RFTN1: variants seen among roughly 807,000 people sequenced by gnomAD.
The protein encoded by RFTN1 is raftlin, lipid raft linker 1, also known as raftlin.
Under a neutral mutation model 46.5 loss-of-function variants are expected in RFTN1, and 26 were observed. The observed-to-expected ratio is 0.56, with a 90% CI of 0.41 to 0.78. The LOEUF is 0.78. RFTN1 is among the 30% of genes least tolerant of loss of function. The pLI is 0.00. For missense variants in RFTN1, 693 were observed against 718.7 expected (o/e 0.96, Z 0.41); for synonymous variants, 261 against 284.2 (o/e 0.92, Z 0.82).
At position 16,428,595 on chromosome 3, in the gene RFTN1, C is replaced by T. The variant is rs1043571918; in HGVS notation, c.332+5256G>A. Among the ~76,000 whole-genome samples, 4 of 152,278 alleles carry T rather than the reference C, an allele frequency of 2.6e-5. No individual in the cohort carries two copies. The South Asian group carries it at 8.3e-4, about 32-fold the overall frequency. On this transcript the variant is annotated intron_variant, in intron 3 of 9. Coordinates refer to ENST00000334133, the MANE Select transcript of RFTN1 (RefSeq NM_015150.2). This position sits in a 1 kb window ranked among gnomAD's most constrained non-coding sequence, Gnocchi z 4.7. ...GCCTGATAAATGTCCACAGAGCTCC[C>T]TAGTATGCTGGTCCCTGTACCATGT...
rs2076499808 is a variant in RFTN1 at position 16,489,130 on chromosome 3, G to C, written c.145+4595C>G. Among the ~76,000 whole-genome samples, 1 of 152,172 alleles carries C rather than the reference G, an allele frequency of 6.6e-6. No individual in the cohort carries two copies. The highest frequency in any genetic ancestry group is 1.5e-5 in the Non-Finnish European group (1 of 68,038). On this transcript the variant is annotated intron_variant, in intron 2 of 9. Coordinates refer to ENST00000334133, the MANE Select transcript of RFTN1 (RefSeq NM_015150.2). The surrounding 1 kb of genome is among the most constrained non-coding windows in gnomAD (Gnocchi z 4.0). ...TAACATCCTGGGAAATAAAATCAGTGATGGAGGCCGGGTGAGGTGGCTCAC... is the reference window on the plus strand; with the variant it reads ...TAACATCCTGGGAAATAAAATCAGTCATGGAGGCCGGGTGAGGTGGCTCAC...
In RFTN1 at chr3:16,418,258, C is replaced by T. The variant is rs191220902; in HGVS notation, c.333-8775G>A. On this transcript the variant is annotated intron_variant, in intron 3 of 9. Transcript: ENST00000334133. This position sits in a 1 kb window ranked among gnomAD's most constrained non-coding sequence, Gnocchi z 5.0. The stretch of plus-strand genomic sequence containing the variant: ...AGGCCACTAAAAAACAATTGCCTGT[C>T]GAAAAACTATTATAAACTATACTTC... Among the ~76,000 whole-genome samples, 50 of 152,136 alleles carry T rather than the reference C, an allele frequency of 3.3e-4. No homozygotes were observed. Among genetic ancestry groups the T allele is most frequent in the African/African-American group, 9.4e-4 (39 of 41,502 alleles).
At position 16,327,258 on chromosome 3, in the gene RFTN1, G is replaced by A. The variant is rs1023659886; in HGVS notation, c.1147-382C>T. ...GTGCTGCTCTGAATGAGTTCAGAGC[G>A]TGTTGTGGGGAGTTAACTTACATTT... On this transcript the variant is annotated intron_variant, in intron 7 of 9. Transcript: ENST00000334133. The surrounding 1 kb of genome is among the most constrained non-coding windows in gnomAD (Gnocchi z 4.2). Among the ~76,000 whole-genome samples, 4 of 152,176 alleles carry A rather than the reference G, an allele frequency of 2.6e-5. No homozygotes were observed. The highest frequency in any genetic ancestry group is 9.7e-5 in the African/African-American group (4 of 41,426).
rs376747115 is a variant in RFTN1 at position 16,317,176 on chromosome 3, T to G, written c.1389A>C (p.Lys463Asn). 5.0e-6 allele frequency: 8 copies of G among 1,613,628 alleles called. No homozygotes were observed. The highest frequency in any genetic ancestry group is 6.8e-6 in the Non-Finnish European group (8 of 1,179,988). ...EMHNRQMRKS[K>N]GKLSARDKQQ... is the part of the protein sequence containing the mutation. ...GTTTGTCTCTGGCACTGAGTTTACC[T>G]TTTGATTTCCTCATCTGCCTGTTGT... The change falls in exon 10 of 10, where the codon AAA (lysine) becomes AAC (asparagine). Residue 463 changes from lysine (K) to asparagine (N), a missense_variant. By Grantham distance (94) the Lys-to-Asn change is moderately conservative (BLOSUM62 0). Transcript: ENST00000334133. The surrounding 1 kb of genome is among the most constrained non-coding windows in gnomAD (Gnocchi z 4.3).
At position 16,448,577 on chromosome 3, in the gene RFTN1, G is replaced by A. The variant is rs561426382; in HGVS notation, c.146-14540C>T. Among the ~76,000 whole-genome samples, 1 of 151,984 alleles carries A rather than the reference G, an allele frequency of 6.6e-6. No homozygotes were observed. The highest frequency in any genetic ancestry group is 6.5e-5 in the Admixed American group (1 of 15,276). On this transcript the variant is annotated intron_variant, in intron 2 of 9. Coordinates refer to ENST00000334133, the MANE Select transcript of RFTN1 (RefSeq NM_015150.2). The surrounding 1 kb of genome is among the most constrained non-coding windows in gnomAD (Gnocchi z 4.1). ...AAATTTTTTTTCTTAACTAACTGTC[G>A]CTATTCCAAATTGGAGGAAAAAAAG...
chr3:16,398,828 C>A (rs968841285), intron 4 of RFTN1, among the ~76,000 whole-genome samples: 2 of 152,214 alleles, frequency 1.3e-5, no homozygotes, highest in Admixed American at 6.5e-5. Flanking sequence ...ACAAAGCATT[C>A]CTGGTCACAC....
rs2069813044 is a variant in RFTN1 at position 16,327,360 on chromosome 3, G to T, written c.1147-484C>A. Among the ~76,000 whole-genome samples, 1 of 152,192 alleles carries T rather than the reference G, an allele frequency of 6.6e-6. No homozygotes were observed. The highest frequency in any genetic ancestry group is 1.5e-5 in the Non-Finnish European group (1 of 68,040). ...TCCACATGTGTGTGTACACGCAGAA[G>T]CTGCTTTGCCTGTGTTATGTGCCCT... is the stretch of plus-strand genomic sequence containing the variant. On this transcript the variant is annotated intron_variant, in intron 7 of 9. Coordinates refer to ENST00000334133, the MANE Select transcript of RFTN1 (RefSeq NM_015150.2). The surrounding 1 kb of genome is among the most constrained non-coding windows in gnomAD (Gnocchi z 4.2).
chr3:16,472,332 C>T (rs376313796), intron 2 of RFTN1, among the ~76,000 whole-genome samples: 8 of 152,034 alleles, frequency 5.3e-5, no homozygotes, highest in African/African-American at 1.5e-4. Flanking sequence ...GAGTGAAGGG[C>T]TTGAGAAATA....
In RFTN1 at chr3:16,404,289, AAT is replaced by A. The variant is rs1186516011; in HGVS notation, c.441+5084_441+5085del. On this transcript the variant is annotated intron_variant, in intron 4 of 9. Coordinates refer to ENST00000334133, the MANE Select transcript of RFTN1 (RefSeq NM_015150.2). ...ATAATATATATAATATGTAATATAT[AAT>A]ATATATAATATGTAATATATATTAT... 1.4e-3 allele frequency among the ~76,000 whole-genome samples: 23 copies of A among 16,638 alleles called. 7 individuals carry two copies. The highest frequency in any genetic ancestry group is 1.9e-3 in the Non-Finnish European group (20 of 10,340). The allele number at this position is 16,638 out of a possible 152,430, so 10.9% of individuals were successfully genotyped here.
At position 16,493,686 on chromosome 3, in the gene RFTN1, C is replaced by A. The variant is rs756659111; in HGVS notation, c.145+39G>T. 44 of 1,533,424 alleles carry A rather than the reference C, an allele frequency of 2.9e-5. No homozygotes were observed. In the South Asian group the frequency reaches 5.3e-4, roughly 19 times the overall value. The allele number at this position is 1,533,424 out of a possible 1,614,324, so 95.0% of individuals were successfully genotyped here. ...ATCCCCTGCAGGCCCCTGCTGGAGACCCCACCTGCCCCCATCCATTCCCAC... is the reference window on the plus strand; with the variant it reads ...ATCCCCTGCAGGCCCCTGCTGGAGAACCCACCTGCCCCCATCCATTCCCAC... On this transcript the variant is annotated intron_variant, in intron 2 of 9. Transcript: ENST00000334133.
intron 7 of RFTN1, among the ~76,000 whole-genome samples, chr3:16,343,451 C>T (rs2071440931): frequency 6.6e-6 from 1 of 152,168 alleles, no homozygotes; most frequent in Non-Finnish European, 1.5e-5. Flanking sequence ...GTTTTTTCCT[C>T]CTCCAAGATA....
chr3:16,365,647 A>G (rs914372216), intron 6 of RFTN1, among the ~76,000 whole-genome samples: 1 of 152,208 alleles, frequency 6.6e-6, no homozygotes, highest in African/African-American at 2.4e-5. Context: ...GCAGAGAGAC[A>G]TCTGGGTGTC....
rs934991471 is a variant in RFTN1 at position 16,507,789 on chromosome 3, A to G, written c.-9+5653T>C. ...CAAACACACACATACACTCACATAC[A>G]CACAAACACACACAAACGCACATAC... On this transcript the variant is annotated intron_variant, in intron 1 of 9. Transcript: ENST00000334133. The surrounding 1 kb of genome is among the most constrained non-coding windows in gnomAD (Gnocchi z 7.1). Among the ~76,000 whole-genome samples, 5 of 150,322 alleles carry G rather than the reference A, an allele frequency of 3.3e-5. No individual in the cohort carries two copies. The highest frequency in any genetic ancestry group is 4.4e-5 in the Non-Finnish European group (3 of 67,764).
chr3:16,337,318 A>AT lies in RFTN1; in HGVS notation c.1147-10443dup, dbSNP rs2070949801. Reference sequence around the variant, plus strand: ...ACCCAGCTGACCTGTTTGGGTTATGATTTTAACTCACTAAGCTTTGGGGAG... The same window carrying AT: ...ACCCAGCTGACCTGTTTGGGTTATGATTTTTAACTCACTAAGCTTTGGGGAG... On this transcript the variant is annotated intron_variant, in intron 7 of 9. Coordinates refer to ENST00000334133, the MANE Select transcript of RFTN1 (RefSeq NM_015150.2). The surrounding 1 kb of genome is among the most constrained non-coding windows in gnomAD (Gnocchi z 5.0). The AT allele has an allele frequency of 6.6e-6, 1 of 152,248 alleles. No homozygotes were observed. The highest frequency in any genetic ancestry group is 2.4e-5 in the African/African-American group (1 of 41,454). 9.4% of individuals were successfully genotyped at this position (152,248 alleles called of 1,614,324 possible).
At chr3:16,463,030 T>A (rs1452119283) in intron 2 of RFTN1, among the ~76,000 whole-genome samples, 1 of 152,256 alleles carries the variant, frequency 6.6e-6, no homozygotes, top group Non-Finnish European at 1.5e-5. Context: ...GGCTAGAGCC[T>A]GATCCTGTAA....
chr3:16,393,820 G>A lies in RFTN1; in HGVS notation c.441+15555C>T, dbSNP rs894669968. Among the ~76,000 whole-genome samples the A allele has an allele frequency of 8.6e-5, 13 of 151,924 alleles. No homozygotes were observed. In the South Asian group the frequency reaches 1.9e-3, roughly 22 times the overall value. The stretch of plus-strand genomic sequence containing the variant: ...ACTACAGGTGCCCGCCACCATACCC[G>A]GCTAATTTTTTTGTATTTTTAGTAT... On this transcript the variant is annotated intron_variant, in intron 4 of 9. Coordinates refer to ENST00000334133, the MANE Select transcript of RFTN1 (RefSeq NM_015150.2).
chr3:16,319,036 C>T (rs2068744062), intron 9 of RFTN1, among the ~76,000 whole-genome samples: 1 of 152,192 alleles, frequency 6.6e-6, no homozygotes, highest in African/African-American at 2.4e-5. Context: ...CACCAAGCCT[C>T]CATAGTTTCC....
At chr3:16,392,870 G>A (rs372963933) in intron 4 of RFTN1, among the ~76,000 whole-genome samples, 20 of 152,098 alleles carry the variant, frequency 1.3e-4, no homozygotes, top group African/African-American at 4.3e-4. Flanking sequence ...GCTACTTGGA[G>A]TTGCAAAAAA....
Position 16,344,576 on chromosome 3 carries a change from A to G in RFTN1, c.1146+13356T>C, listed in dbSNP as rs1413472719. The stretch of plus-strand genomic sequence containing the variant: ...ATTCTTAGATCCCAAGGGCCACCCA[A>G]GGTATTCTGTGGCCTCCCAGAATCA... On this transcript the variant is annotated intron_variant, in intron 7 of 9. Coordinates refer to ENST00000334133, the MANE Select transcript of RFTN1 (RefSeq NM_015150.2). The surrounding 1 kb of genome is among the most constrained non-coding windows in gnomAD (Gnocchi z 4.4). Among the ~76,000 whole-genome samples, 6 of 152,110 alleles carry G rather than the reference A, an allele frequency of 3.9e-5. No homozygotes were observed. Among genetic ancestry groups the G allele is most frequent in the East Asian group, 1.9e-4 (1 of 5,178 alleles).
Sources: gnomAD v4.1 joint callset for allele counts (sites outside exome capture counted in the v4.1 genomes callset) on GRCh38, gnomAD v4.1.1 for gene constraint, Gnocchi (gnomAD v3.1) non-coding constraint, MANE v1.5 for transcripts, NCBI Gene and HGNC (gene_info 2026-07-23, HGNC 2026-07-21) for gene names.